The following DAB1 variants were observed in gnomAD, a reference collection of about 807,000 sequenced individuals.
DAB1 encodes disabled homolog 1.
A neutral mutation model predicts 64.6 loss-of-function variants in DAB1; 15 were observed. That is an observed-to-expected ratio of 0.23 (90% CI 0.16 to 0.36). The LOEUF is 0.36. Among genes scored for constraint, DAB1 ranks in the 10% least tolerant of loss-of-function variants. The pLI, the probability that DAB1 is intolerant of heterozygous loss-of-function variation, is 1.00. For missense variants in DAB1, 596 were observed against 706.7 expected, an observed-to-expected ratio of 0.84 and a Z score of 1.78; for synonymous variants, 235 against 251.9, an observed-to-expected ratio of 0.93 and a Z score of 0.64.
At chr1:57,400,735 T>C (rs1255205666) in intron 1 of DAB1, among the ~76,000 whole-genome samples, 1 of 151,888 alleles carries the variant, frequency 6.6e-6, no homozygotes, top group African/African-American at 2.4e-5. Context: ...CTAGTAATGC[T>C]GGGGAGAGAG....
chr1:58,363,088 T>A (rs975657588), intron 3 of DAB1, among the ~76,000 whole-genome samples: 7 of 152,094 alleles, frequency 4.6e-5, no homozygotes, highest in African/African-American at 1.7e-4. Flanking sequence ...TCAGGGTCCA[T>A]CCTCATAACT....
chr1:57,274,980 G>A (rs1671346497), intron 2 of DAB1, among the ~76,000 whole-genome samples: 1 of 151,962 alleles, frequency 6.6e-6, no homozygotes, highest in African/African-American at 2.4e-5. Context: ...GGGAGCATAA[G>A]GAGGAGGAAG....
At chr1:57,725,745 G>T (rs3118026) in intron 6 of DAB1, among the ~76,000 whole-genome samples, 10,542 of 151,050 alleles carry the variant, frequency 0.07, 1,204 homozygotes, top group African/African-American at 0.24. Context: ...TCATTTAACT[G>T]TTCTTTTCTT....
chr1:57,584,963 A>C (rs1472581018), intron 7 of DAB1, among the ~76,000 whole-genome samples: 1 of 145,758 alleles, frequency 6.9e-6, no homozygotes, highest in Non-Finnish European at 1.5e-5. Flanking sequence ...ATTAAGACTC[A>C]CACCTCGGCC....
At chr1:58,038,549 G>T (rs900123318) in intron 5 of DAB1, among the ~76,000 whole-genome samples, 1 of 150,736 alleles carries the variant, frequency 6.6e-6, no homozygotes, top group African/African-American at 2.5e-5. Flanking sequence ...CTTCACCAGG[G>T]CTTCCTCTCA....
intron 3 of DAB1, among the ~76,000 whole-genome samples, chr1:58,431,324 C>T (rs1208444636): frequency 6.6e-6 from 1 of 152,042 alleles, no homozygotes; most frequent in Admixed American, 6.6e-5. Flanking sequence ...CTCTGGGAGG[C>T]CGAGGCAGAT....
rs367604996 is a variant in DAB1 at position 58,274,255 on chromosome 1, A to G, written n.309+69097T>C. ...GACCCTCAGCTGCAGGTCTGTTGGA[A>G]TACCCTGCCGTGTGAGGTGTCAGTG... On this transcript the variant is annotated intron_variant and non_coding_transcript_variant, in intron 4 of 20. Transcript: ENST00000485760. 2.4e-3 allele frequency among the ~76,000 whole-genome samples: 295 copies of G among 122,014 alleles called. 2 individuals carry two copies. The East Asian group carries it at 0.03, about 12-fold the overall frequency. The allele number at this position is 122,014 out of a possible 152,430, so 80.0% of individuals were successfully genotyped here.
At chr1:57,417,810 G>C (rs1684600313) in intron 1 of DAB1, among the ~76,000 whole-genome samples, 1 of 151,992 alleles carries the variant, frequency 6.6e-6, no homozygotes, top group Non-Finnish European at 1.5e-5. Context: ...CATTACCTCT[G>C]TACCCAATTA....
At position 57,416,528 on chromosome 1, in the gene DAB1, G is replaced by T. The variant is rs376841106; in HGVS notation, c.-137+7402C>A. Among the ~76,000 whole-genome samples, 20 of 152,226 alleles carry T rather than the reference G, an allele frequency of 1.3e-4. No homozygotes were observed. The East Asian group carries it at 3.7e-3, about 28-fold the overall frequency. On this transcript the variant is annotated intron_variant, in intron 1 of 14. Transcript: ENST00000371236. ...CGACTGTTTTAATAGGACAGATTTG[G>T]ATAAGTAGTTATTGTTAATGATTTT...
rs1458260279 is a variant in DAB1, at chr1:57,553,458, A to AAGAAAGAAAGAAAGAAAGAG, written n.625+96133_625+96134insCTCTTTCTTTCTTTCTTTCT. 5.6e-4 allele frequency among the ~76,000 whole-genome samples: 74 copies of AAGAAAGAAAGAAAGAAAGAG among 132,218 alleles called. 2 individuals carry two copies. The highest frequency in any genetic ancestry group is 1.5e-3 in the African/African-American group (50 of 33,650). The allele number at this position is 132,218 out of a possible 152,430, so 86.7% of individuals were successfully genotyped here. On this transcript the variant is annotated intron_variant and non_coding_transcript_variant, in intron 7 of 20. Coordinates refer to the DAB1 transcript ENST00000485760. ...AGAAAGAAAGAGAAAGAAAGAAAGA[A>AAGAAAGAAAGAAAGAAAGAG]AGAGAAAGGGAAAGAAAGGAAGGAA...
intron 6 of DAB1, among the ~76,000 whole-genome samples, chr1:57,730,742 A>G (rs968945059): frequency 3.3e-5 from 5 of 152,216 alleles, no homozygotes; most frequent in African/African-American, 1.2e-4. Context: ...GTGGTTTGGT[A>G]GACAGATAGA....
At chr1:58,256,456 G>A (rs978320260) in intron 4 of DAB1, among the ~76,000 whole-genome samples, 6 of 152,334 alleles carry the variant, frequency 3.9e-5, no homozygotes, top group Admixed American at 2.6e-4. Context: ...GAGATACAGA[G>A]GGATGAAAGG....
intron 6 of DAB1, among the ~76,000 whole-genome samples, chr1:57,665,425 A>G (rs1051573808): frequency 7.2e-5 from 11 of 152,144 alleles, no homozygotes; most frequent in African/African-American, 2.7e-4. Context: ...ATTTTTATGA[A>G]ATACATAAGC....
intron 7 of DAB1, among the ~76,000 whole-genome samples, chr1:57,508,433 C>G (rs915613891): frequency 6.6e-6 from 1 of 152,214 alleles, no homozygotes; most frequent in Non-Finnish European, 1.5e-5. Context: ...TTCAAGGAAG[C>G]AGTTTGATCA....
At chr1:57,628,479 C>T (rs1286726983) in intron 7 of DAB1, among the ~76,000 whole-genome samples, 1 of 152,186 alleles carries the variant, frequency 6.6e-6, no homozygotes, top group African/African-American at 2.4e-5. Flanking sequence ...TTACTTCACT[C>T]ATCACACATT....
At chr1:58,267,241 T>C (rs2100423104) in intron 4 of DAB1, among the ~76,000 whole-genome samples, 1 of 152,034 alleles carries the variant, frequency 6.6e-6, no homozygotes, top group East Asian at 1.9e-4. Context: ...TGAAATAAAA[T>C]AAAAAATAAT....
intron 5 of DAB1, among the ~76,000 whole-genome samples, chr1:58,013,556 A>T (rs1442499692): frequency 1.3e-5 from 2 of 152,208 alleles, no homozygotes; most frequent in Non-Finnish European, 2.9e-5. Context: ...ACGAGTGGTC[A>T]TCCCTAGCAA....
chr1:57,321,900 T>C (rs1675753420), intron 1 of DAB1, among the ~76,000 whole-genome samples: 1 of 151,776 alleles, frequency 6.6e-6, no homozygotes, highest in Non-Finnish European at 1.5e-5. Context: ...GACAGATGGC[T>C]ATCCAGTCTC....
chr1:57,943,245 T>C (rs1314405986), intron 5 of DAB1, among the ~76,000 whole-genome samples: 2 of 152,196 alleles, frequency 1.3e-5, no homozygotes, highest in African/African-American at 4.8e-5. Context: ...TGAGAATTAA[T>C]ACTTGATTAA....
Sources: allele counts gnomAD v4.1 joint callset (sites outside exome capture counted in the v4.1 genomes callset), GRCh38; gene constraint gnomAD v4.1.1; transcripts MANE v1.5; gene names NCBI Gene and HGNC (gene_info 2026-07-23, HGNC 2026-07-21).